Variants in RALYL observed in about 807,000 individuals in gnomAD.
The protein encoded by RALYL is RALY RNA binding protein like, also known as RNA-binding Raly-like protein.
A neutral mutation model predicts 35.1 loss-of-function variants in RALYL; 29 were observed. That is an observed-to-expected ratio of 0.83 (90% CI 0.61 to 1.13). RALYL has a LOEUF of 1.13. RALYL is among the 50% of genes most tolerant of loss of function. The probability of loss-of-function intolerance (pLI) is 0.00; values close to 1 mark genes in which losing one functional copy is unlikely to be tolerated. For synonymous variants in RALYL, 120 were observed against 127.6 expected, an observed-to-expected ratio of 0.94 and a Z score of 0.40; for missense variants, 359 against 360.4, an observed-to-expected ratio of 1.00 and a Z score of 0.03.
intron 5 of RALYL, among the ~76,000 whole-genome samples, chr8:84,860,498 T>C (rs983896343): frequency 6.6e-6 from 1 of 152,246 alleles, no homozygotes; most frequent in African/African-American, 2.4e-5. Context: ...ATTCAACTTA[T>C]AAATAACTAA....
chr8:84,354,757 A>G (rs969446815), intron 1 of RALYL, among the ~76,000 whole-genome samples: 4 of 150,334 alleles, frequency 2.7e-5, no homozygotes, highest in Non-Finnish European at 5.9e-5. Flanking sequence ...AGACAGGGGT[A>G]GCTAAAAGCT....
At chr8:84,391,479 T>G (rs1478050779) in intron 1 of RALYL, among the ~76,000 whole-genome samples, 1 of 152,052 alleles carries the variant, frequency 6.6e-6, no homozygotes, top group South Asian at 2.1e-4. Context: ...CAAAATCTGA[T>G]TTGTCTGTAG....
At chr8:84,603,362 C>T (rs1017958023) in intron 2 of RALYL, among the ~76,000 whole-genome samples, 1 of 151,998 alleles carries the variant, frequency 6.6e-6, no homozygotes, top group Non-Finnish European at 1.5e-5. Flanking sequence ...AAAGCTTCCT[C>T]CTTTTGTCTT....
At chr8:84,829,862 T>A (rs983568818) in intron 4 of RALYL, among the ~76,000 whole-genome samples, 2 of 152,086 alleles carry the variant, frequency 1.3e-5, no homozygotes, top group Non-Finnish European at 2.9e-5. Flanking sequence ...GTTTAAAGAC[T>A]CCATGTCTTT....
intron 1 of RALYL, among the ~76,000 whole-genome samples, chr8:84,448,799 AT>A (rs1358618617): frequency 6.6e-6 from 1 of 152,038 alleles, no homozygotes; most frequent in African/African-American, 2.4e-5. Flanking sequence ...GAGTATGTCC[AT>A]TCCCTCTATG....
At chr8:84,845,940 A>C (rs962527940) in intron 4 of RALYL, among the ~76,000 whole-genome samples, 1 of 152,100 alleles carries the variant, frequency 6.6e-6, no homozygotes, top group South Asian at 2.1e-4. Context: ...CAGAGATTAG[A>C]TGGCTGTAGG....
chr8:84,595,994 AC>A (rs1814436742), intron 2 of RALYL, among the ~76,000 whole-genome samples: 1 of 152,028 alleles, frequency 6.6e-6, no homozygotes, highest in Non-Finnish European at 1.5e-5. Flanking sequence ...ATTTCAGGTG[AC>A]ACACACACAT....
intron 1 of RALYL, among the ~76,000 whole-genome samples, chr8:84,239,272 C>G (rs1423268815): frequency 6.6e-6 from 1 of 152,150 alleles, no homozygotes; most frequent in Non-Finnish European, 1.5e-5. Flanking sequence ...ATGGACAACT[C>G]AAATAAAACA....
intron 2 of RALYL, among the ~76,000 whole-genome samples, chr8:84,549,015 G>A (rs1450261811): frequency 3.9e-5 from 6 of 152,162 alleles, no homozygotes; most frequent in Admixed American, 2.0e-4. Flanking sequence ...AGTTTTGGAT[G>A]CTGTTTCCAT....
chr8:84,490,557 G>A (rs1415640299), intron 1 of RALYL, among the ~76,000 whole-genome samples: 1 of 151,874 alleles, frequency 6.6e-6, no homozygotes, highest in African/African-American at 2.4e-5. Flanking sequence ...AGACAAAACT[G>A]TTAATTCATT....
At chr8:84,546,326 C>T (rs974415808) in intron 2 of RALYL, among the ~76,000 whole-genome samples, 10 of 151,964 alleles carry the variant, frequency 6.6e-5, no homozygotes, top group Non-Finnish European at 1.2e-4. Flanking sequence ...TGCTATGTTG[C>T]CCATGCTGGT....
chr8:84,586,902 A>G (rs1812149707), intron 2 of RALYL, among the ~76,000 whole-genome samples: 1 of 152,210 alleles, frequency 6.6e-6, no homozygotes, highest in South Asian at 2.1e-4. Flanking sequence ...TCACTGTTAG[A>G]AAATGACTCA....
chr8:84,665,366 A>G (rs1831797178), intron 2 of RALYL, among the ~76,000 whole-genome samples: 2 of 151,854 alleles, frequency 1.3e-5, no homozygotes, highest in South Asian at 4.2e-4. Flanking sequence ...CTCCTTTTCA[A>G]TTTTTTGGAA....
intron 1 of RALYL, among the ~76,000 whole-genome samples, chr8:84,233,809 T>C (rs1219490663): frequency 6.6e-6 from 1 of 152,232 alleles, no homozygotes; most frequent in South Asian, 2.1e-4. Context: ...TCTTTTTCCC[T>C]TTAATTTATC....
intron 2 of RALYL, among the ~76,000 whole-genome samples, chr8:84,766,530 AAAATAAATAAATAAAT>A (rs10695999): frequency 0.015 from 1,924 of 125,054 alleles, 52 homozygotes; most frequent in African/African-American, 0.054. Context: ...CATCTCTACT[AAAATAAATAAATAAAT>A]AAATAAATAA....
intron 2 of RALYL, among the ~76,000 whole-genome samples, chr8:84,579,949 G>A (rs1439872628): frequency 6.6e-6 from 1 of 152,138 alleles, no homozygotes; most frequent in Non-Finnish European, 1.5e-5. Context: ...AATCTTCATA[G>A]TGTATTTTAT....
chr8:84,513,282 A>G (rs1207315935), intron 1 of RALYL, among the ~76,000 whole-genome samples: 1 of 152,136 alleles, frequency 6.6e-6, no homozygotes, highest in East Asian at 1.9e-4. Context: ...TTATAAATAA[A>G]TGCTATTGCT....
intron 1 of RALYL, among the ~76,000 whole-genome samples, chr8:84,311,294 A>G (rs149787051): frequency 6.6e-6 from 1 of 152,030 alleles, no homozygotes; most frequent in Non-Finnish European, 1.5e-5. Context: ...GTTAAAGAAG[A>G]CATTGAAACA....
At chr8:84,855,658 T>C (rs1206291813) in intron 5 of RALYL, among the ~76,000 whole-genome samples, 2 of 152,240 alleles carry the variant, frequency 1.3e-5, no homozygotes, top group Non-Finnish European at 2.9e-5. Flanking sequence ...ATTTATACTC[T>C]AGCAAAGTAA....
Sources: allele counts gnomAD v4.1 joint callset (sites outside exome capture counted in the v4.1 genomes callset), GRCh38; gene constraint gnomAD v4.1.1; transcripts MANE v1.5; gene names NCBI Gene and HGNC (gene_info 2026-07-23, HGNC 2026-07-21).